MCF2L: variants seen among roughly 807,000 people sequenced by gnomAD.
The protein encoded by MCF2L is MCF.2 cell line derived transforming sequence like, also known as guanine nucleotide exchange factor DBS.
Under a neutral mutation model 153.4 loss-of-function variants are expected in MCF2L, and 97 were observed. That is an observed-to-expected ratio of 0.63 (90% confidence interval 0.54 to 0.75). The LOEUF (loss-of-function observed/expected upper bound fraction) is 0.75, where lower values mean the gene tolerates loss of function less well. Among genes scored for constraint, MCF2L ranks in the 30% least tolerant of loss-of-function variants. MCF2L has a pLI of 0.00. For missense variants in MCF2L, 1,347 were observed against 1,495.2 expected, an observed-to-expected ratio of 0.90 and a Z score of 1.64; for synonymous variants, 659 against 632.2, an observed-to-expected ratio of 1.04 and a Z score of -0.64.
intron 16 of MCF2L, 150 bp downstream of exon 16, chr13:113,081,429 C>T (rs947714081): frequency 2.2e-5 from 16 of 743,322 alleles, no homozygotes; most frequent in African/African-American, 1.2e-4. Flanking sequence ...GGGCCCCAGA[C>T]GGGGAGCCCC....
At position 113,064,243 on chromosome 13, in the gene MCF2L, C is replaced by A. The variant is rs1566829689; in HGVS notation, c.490-61C>A. 8.1e-7 allele frequency: 1 copy of A among 1,228,224 alleles called. No homozygotes were observed. Among genetic ancestry groups the A allele is most frequent in the Non-Finnish European group, 1.2e-6 (1 of 832,430 alleles). The allele number at this position is 1,228,224 out of a possible 1,614,324, so 76.1% of individuals were successfully genotyped here. A position where few individuals can be genotyped will look rare whatever the true frequency, so the allele number is the denominator to read the frequency against. On this transcript the variant is annotated intron_variant, in intron 5 of 29. Coordinates refer to ENST00000535094, the MANE Select transcript of MCF2L (RefSeq NM_001112732.3). The surrounding 1 kb of genome is among the most constrained non-coding windows in gnomAD (Gnocchi z 6.0). Reference sequence around the variant, plus strand: ...GCTGCTGGGTGTTCTGCTGATGGGGCAGCTCTTTTGGGAGCCAACAATAAT... The same window carrying A: ...GCTGCTGGGTGTTCTGCTGATGGGGAAGCTCTTTTGGGAGCCAACAATAAT...
In MCF2L at chr13:112,907,575, G is replaced by A. The variant is rs1291526791; in HGVS notation, c.169+5204G>A. On this transcript the variant is annotated intron_variant, in intron 2 of 29. Coordinates refer to the MCF2L transcript ENST00000375608. The surrounding 1 kb of genome is among the most constrained non-coding windows in gnomAD (Gnocchi z 5.1). ...TCGTGAATCTGACGGGGGAAGATGT[G>A]TTTCTTCACATCTTCAGGCTCCTTC... Among the ~76,000 whole-genome samples the A allele has an allele frequency of 1.3e-5, 2 of 152,168 alleles. No homozygotes were observed. The highest frequency in any genetic ancestry group is 4.8e-5 in the African/African-American group (2 of 41,434).
At chr13:112,894,713 G>T (rs2081049041) in intron 1 of MCF2L, among the ~76,000 whole-genome samples, 2 of 152,218 alleles carry the variant, frequency 1.3e-5, no homozygotes, top group Middle Eastern at 3.4e-3. Flanking sequence ...GGCGCCCAGG[G>T]CCCCTCCGCA....
Position 113,086,204 on chromosome 13 carries a change from G to A in MCF2L, c.2328G>A (p.Lys776=), listed in dbSNP as rs1162339901. ...EALSSILGIL[K]AVNDSMHLIA... ...TGAGCTCCATCCTGGGCATCCTGAAGGCCGTGAACGACTCCATGCACCTCA... is the reference window on the plus strand; with the variant it reads ...TGAGCTCCATCCTGGGCATCCTGAAAGCCGTGAACGACTCCATGCACCTCA... Residue 776 remains lysine, a synonymous_variant, in exon 21 of 30, where the codon AAG becomes AAA. Coordinates refer to ENST00000535094, the MANE Select transcript of MCF2L (RefSeq NM_001112732.3). The A allele has an allele frequency of 4.3e-6, 7 of 1,610,872 alleles. No homozygotes were observed. The highest frequency in any genetic ancestry group is 1.3e-5 in the African/African-American group (1 of 74,696).
chr13:113,010,666 G>A (rs1200034864), intron 1 of MCF2L, among the ~76,000 whole-genome samples: 1 of 152,210 alleles, frequency 6.6e-6, no homozygotes, highest in Non-Finnish European at 1.5e-5. Flanking sequence ...AATGGACGGG[G>A]CAGCCTCTGC....
chr13:112,963,746 G>A (rs1431357246), intron 2 of MCF2L, among the ~76,000 whole-genome samples: 1 of 152,196 alleles, frequency 6.6e-6, no homozygotes, highest in Non-Finnish European at 1.5e-5. Flanking sequence ...CCCTGGAGTA[G>A]GAACCATCAT....
At chr13:113,059,739 A>G (rs2031054400) in intron 4 of MCF2L, among the ~76,000 whole-genome samples, 1 of 152,260 alleles carries the variant, frequency 6.6e-6, no homozygotes, top group Non-Finnish European at 1.5e-5. Context: ...GGAGAAGCTG[A>G]GACACAGAGA....
intron 2 of MCF2L, among the ~76,000 whole-genome samples, chr13:112,911,415 C>T (rs2081230786): frequency 6.6e-6 from 1 of 152,208 alleles, no homozygotes. Flanking sequence ...GGAGAGCGGC[C>T]CAGCCGCTAG....
chr13:112,918,167 T>C (rs1327828802), intron 2 of MCF2L, among the ~76,000 whole-genome samples: 3 of 152,248 alleles, frequency 2.0e-5, no homozygotes, highest in East Asian at 1.9e-4. Flanking sequence ...GGGAACGCAC[T>C]GTGTCCGGGA....
intron 1 of MCF2L, among the ~76,000 whole-genome samples, chr13:113,004,281 G>A (rs969316038): frequency 6.6e-6 from 1 of 152,210 alleles, no homozygotes. Flanking sequence ...GCGTCCATCT[G>A]CCCGTCAGTG....
intron 1 of MCF2L, chr13:113,009,721 G>C (rs766780177): frequency 6.6e-6 from 1 of 152,346 alleles, no homozygotes; most frequent in Non-Finnish European, 1.5e-5. Flanking sequence ...TGTGGCCTGC[G>C]TTTCTTCTTA....
In MCF2L at chr13:113,076,102, A is replaced by T. The variant is rs1401311462; in HGVS notation, c.1445A>T (p.Gln482Leu). 6.2e-7 allele frequency: 1 copy of T among 1,614,066 alleles called. No homozygotes were observed. Among genetic ancestry groups the T allele is most frequent in the Non-Finnish European group, 8.5e-7 (1 of 1,180,030 alleles). ...FLETGAENKIQELNAIYKEYE... is the reference protein window; with the variant it reads ...FLETGAENKILELNAIYKEYE... ...GAGACCGGTGCGGAAAATAAGATCC[A>T]GGAGCTCAACGCGATTTACAAGGAA... The change falls in exon 12 of 30, where the codon CAG becomes CTG. Residue 482 changes from glutamine (Q) to leucine (L), a missense_variant. Physicochemically the swap from Gln to Leu is moderately radical, Grantham distance 113. Around this residue, in one of 3 missense-constraint regions of MCF2L, gnomAD observed 820 missense variants for 921.2 expected, o/e 0.89. Coordinates refer to ENST00000535094, the MANE Select transcript of MCF2L (RefSeq NM_001112732.3).
chr13:113,072,517 A>G (rs1461890865), intron 9 of MCF2L, among the ~76,000 whole-genome samples: 1 of 152,208 alleles, frequency 6.6e-6, no homozygotes, highest in Non-Finnish European at 1.5e-5. Flanking sequence ...ATCTGGGCCT[A>G]GAGATTTCTT....
intron 27 of MCF2L, 48 bp from the exon 28 acceptor site, chr13:113,096,323 C>T (rs1212272308): frequency 1.4e-6 from 2 of 1,413,116 alleles, no homozygotes; most frequent in Non-Finnish European, 2.0e-6. Context: ...GGGGCTGCTG[C>T]CGGGGCGGGT....
intron 2 of MCF2L, among the ~76,000 whole-genome samples, chr13:112,955,472 C>T (rs1418176041): frequency 6.6e-6 from 1 of 152,228 alleles, no homozygotes; most frequent in Non-Finnish European, 1.5e-5. Flanking sequence ...TTGCTCACCA[C>T]ATGCCCGGTT....
intron 8 of MCF2L, 67 bp downstream of exon 8, chr13:113,066,237 A>G: frequency 2.0e-6 from 3 of 1,486,952 alleles, no homozygotes; most frequent in Non-Finnish European, 1.8e-6. Flanking sequence ...TCAGGCACAC[A>G]GCTTCTGCAA....
intron 2 of MCF2L, among the ~76,000 whole-genome samples, chr13:112,908,732 G>GTTTGT (rs10627226): frequency 0.76 from 112,644 of 148,496 alleles, 43,038 homozygotes; most frequent in East Asian, 0.91. Flanking sequence ...TTTTGTTTTG[G>GTTTGT]TTTTTTTTTG....
chr13:112,916,915 C>A (rs1225318522), intron 2 of MCF2L, among the ~76,000 whole-genome samples: 1 of 152,110 alleles, frequency 6.6e-6, no homozygotes, highest in Non-Finnish European at 1.5e-5. Flanking sequence ...TGCTCTGCAC[C>A]ACATCCCTGC....
At chr13:112,975,685 C>T (rs2082189582) in intron 1 of MCF2L, among the ~76,000 whole-genome samples, 1 of 152,220 alleles carries the variant, frequency 6.6e-6, no homozygotes, top group Admixed American at 6.5e-5. Flanking sequence ...TCCTCACATA[C>T]AGTTAGGTGT....
Sources: gnomAD v4.1 joint callset for allele counts (sites outside exome capture counted in the v4.1 genomes callset) on GRCh38, gnomAD v4.1.1 for gene constraint, gnomAD v4.1.1 regional missense constraint, Gnocchi (gnomAD v3.1) non-coding constraint, MANE v1.5 for transcripts, NCBI Gene and HGNC (gene_info 2026-07-23, HGNC 2026-07-21) for gene names.